The following LCP1 variants were observed in gnomAD, a reference collection of about 807,000 sequenced individuals.
LCP1 encodes plastin-2.
A neutral mutation model predicts 72.0 loss-of-function variants in LCP1; 23 were observed. The ratio of observed to expected loss-of-function variants is 0.32; its 90% CI spans 0.23 to 0.45. LCP1 has a LOEUF of 0.45. LCP1 is among the 20% of genes least tolerant of loss of function. LCP1 has a pLI of 1.00. For synonymous variants in LCP1, 245 were observed against 275.4 expected (o/e 0.89, Z 1.09); for missense variants, 571 against 748.3 (o/e 0.76, Z 2.76).
chr13:46,158,692 T>C (rs373771529), intron 3 of LCP1, 41 bp from the exon 4 acceptor site: 7 of 1,612,380 alleles, frequency 4.3e-6, no homozygotes, highest in Non-Finnish European at 5.9e-6. Flanking sequence ...CAAGCAGTGA[T>C]CAAGAAAATC....
intron 4 of LCP1, among the ~76,000 whole-genome samples, chr13:46,156,947 C>T (rs1001143190): frequency 3.3e-5 from 5 of 151,044 alleles, no homozygotes; most frequent in Non-Finnish European, 5.9e-5. Flanking sequence ...CAGCCTCCCC[C>T]GTAGCTGGGA....
intron 3 of LCP1, 27 bp downstream of exon 3, chr13:46,158,799 T>G: frequency 1.2e-6 from 2 of 1,609,072 alleles, no homozygotes; most frequent in Non-Finnish European, 1.7e-6. Flanking sequence ...TTCAAATGTG[T>G]CTCCTTGTAT....
chr13:46,153,561 C>T (rs1410122533), intron 6 of LCP1, among the ~76,000 whole-genome samples: 4 of 151,872 alleles, frequency 2.6e-5, no homozygotes, highest in African/African-American at 9.7e-5. Context: ...ATTAGCTGGG[C>T]ATGGTGGCAG....
chr13:46,140,154 A>G (rs752992123), intron 13 of LCP1, among the ~76,000 whole-genome samples: 10 of 152,294 alleles, frequency 6.6e-5, no homozygotes, highest in Non-Finnish European at 1.3e-4. Context: ...AATTTAGGGG[A>G]AAGACTATCA....
Position 46,157,338 on chromosome 13 carries a change from G to C in LCP1, c.359-768C>G, listed in dbSNP as rs1483510699. 4.6e-5 allele frequency among the ~76,000 whole-genome samples: 7 copies of C among 152,048 alleles called. No individual in the cohort carries two copies. In the East Asian group the frequency reaches 1.2e-3, roughly 25 times the overall value. The stretch of plus-strand genomic sequence containing the variant: ...CAGGATTCCGCTTTTAGCTCTGCTG[G>C]TTTAAATGTTGGATCACTGTGGACA... On this transcript the variant is annotated intron_variant, in intron 4 of 15. Transcript: ENST00000323076.
chr13:46,174,909 A>G (rs991988068), intron 1 of LCP1, among the ~76,000 whole-genome samples: 1 of 152,180 alleles, frequency 6.6e-6, no homozygotes, highest in Admixed American at 6.5e-5. Context: ...TGGAAACACA[A>G]AAAAGTATAT....
intron 14 of LCP1, among the ~76,000 whole-genome samples, 157 bp downstream of exon 14, chr13:46,133,970 G>T (rs2045648833): frequency 6.6e-6 from 1 of 152,198 alleles, no homozygotes; most frequent in South Asian, 2.1e-4. Flanking sequence ...TGAAATGGCT[G>T]ATGAACATCA....
At chr13:46,154,567 A>G (rs1324012990) in intron 6 of LCP1, among the ~76,000 whole-genome samples, 1 of 152,192 alleles carries the variant, frequency 6.6e-6, no homozygotes, top group African/African-American at 2.4e-5. Context: ...GCCAAAGTGA[A>G]TTTTATTCCT....
chr13:46,169,511 T>A (rs896255826), intron 1 of LCP1: 1 of 152,376 alleles, frequency 6.6e-6, no homozygotes, highest in East Asian at 1.9e-4. Context: ...TCTTCACAGG[T>A]GTGATCCCAC....
chr13:46,156,423 A>G lies in LCP1; in HGVS notation c.491+15T>C, dbSNP rs749699145. 4 of 1,607,644 alleles carry G rather than the reference A, an allele frequency of 2.5e-6. No individual in the cohort carries two copies. The highest frequency in any genetic ancestry group is 1.7e-5 in the Admixed American group (1 of 59,172). The stretch of plus-strand genomic sequence containing the variant: ...TGGGCAATTCTTTGGAAACCAAGAA[A>G]GAAGTATTATTTACCAAAGGACAAT... On this transcript the variant is annotated intron_variant, in intron 5 of 15. Transcript: ENST00000323076.
chr13:46,140,817 A>G (rs2045693065), intron 13 of LCP1, among the ~76,000 whole-genome samples: 1 of 152,232 alleles, frequency 6.6e-6, no homozygotes, highest in Non-Finnish European at 1.5e-5. Flanking sequence ...GTTAAAAAAC[A>G]TGTACACTGG....
intron 4 of LCP1, among the ~76,000 whole-genome samples, chr13:46,157,220 A>C (rs1263110465): frequency 6.6e-6 from 1 of 151,056 alleles, no homozygotes; most frequent in Non-Finnish European, 1.5e-5. Context: ...ATAAATACAT[A>C]AATAATAAAA....
chr13:46,154,352 A>G (rs1210149918), intron 6 of LCP1, among the ~76,000 whole-genome samples: 2 of 152,242 alleles, frequency 1.3e-5, no homozygotes, highest in Non-Finnish European at 2.9e-5. Flanking sequence ...TTACTATTCC[A>G]GTTAATCAAC....
intron 8 of LCP1, among the ~76,000 whole-genome samples, chr13:46,149,109 CTT>C (rs1312361519): frequency 1.3e-5 from 2 of 152,054 alleles, no homozygotes; most frequent in Non-Finnish European, 2.9e-5. Context: ...GAATTATAGT[CTT>C]AAAATATAAA....
intron 13 of LCP1, among the ~76,000 whole-genome samples, chr13:46,135,178 A>C (rs886821148): frequency 1.3e-5 from 2 of 152,052 alleles, no homozygotes; most frequent in African/African-American, 4.8e-5. Context: ...CCATTCCCTA[A>C]AGCTACTCAC....
chr13:46,166,319 G>T (rs907342517), intron 1 of LCP1, among the ~76,000 whole-genome samples: 34 of 152,124 alleles, frequency 2.2e-4, no homozygotes, highest in African/African-American at 7.7e-4. Context: ...ATGCTCAAGG[G>T]GTGGAATCAT....
chr13:46,152,354 C>G (rs78019279), intron 7 of LCP1, among the ~76,000 whole-genome samples: 28 of 152,278 alleles, frequency 1.8e-4, no homozygotes, highest in African/African-American at 6.5e-4. Context: ...TTGACCTATA[C>G]CTTCCTCTAT....
At chr13:46,149,032 T>C (rs996270957) in intron 8 of LCP1, among the ~76,000 whole-genome samples, 9 of 152,212 alleles carry the variant, frequency 5.9e-5, no homozygotes, top group African/African-American at 1.2e-4. Flanking sequence ...GCAGATTAGA[T>C]ACAGGTATTG....
At chr13:46,141,659 AAT>A (rs1178368540) in intron 13 of LCP1, among the ~76,000 whole-genome samples, 2 of 152,156 alleles carry the variant, frequency 1.3e-5, no homozygotes, top group Admixed American at 1.3e-4. Flanking sequence ...TTGAAAATGA[AAT>A]AGACATTTTC....
Sources: gnomAD v4.1 joint callset for allele counts (sites outside exome capture counted in the v4.1 genomes callset) on GRCh38, gnomAD v4.1.1 for gene constraint, MANE v1.5 for transcripts, NCBI Gene and HGNC (gene_info 2026-07-23, HGNC 2026-07-21) for gene names.